The following IGF2BP3 variants were observed in gnomAD, a reference collection of about 807,000 sequenced individuals.
IGF2BP3 encodes insulin like growth factor 2 mRNA binding protein 3, also known as insulin-like growth factor 2 mRNA-binding protein 3.
In IGF2BP3, 9 loss-of-function variants were observed where a neutral mutation model predicts 73.8. That is an observed-to-expected ratio of 0.12 (90% confidence interval 0.07 to 0.21). The LOEUF (loss-of-function observed/expected upper bound fraction) is 0.21. Among genes scored for constraint, IGF2BP3 ranks in the 10% least tolerant of loss-of-function variants. The pLI is 1.00. For synonymous variants in IGF2BP3, 258 were observed against 256.7 expected (o/e 1.01, Z -0.05); for missense variants, 542 against 714.0 (o/e 0.76, Z 2.75).
chr7:23,392,433 C>CATATATATATATATAT (rs141882109), intron 3 of IGF2BP3, among the ~76,000 whole-genome samples: 1 of 141,932 alleles, frequency 7.0e-6, no homozygotes, highest in East Asian at 2.0e-4. Flanking sequence ...AGCTTATCAT[C>CATATATATATATATAT]ATATATATAT....
intron 5 of IGF2BP3, 89 bp from the exon 6 acceptor site, chr7:23,351,675 G>T: frequency 7.3e-7 from 1 of 1,371,032 alleles, no homozygotes; most frequent in Non-Finnish European, 1.0e-6. Flanking sequence ...CTTCTACTCA[G>T]CATTACTAGC....
chr7:23,403,838 C>T (rs1330005495), intron 3 of IGF2BP3, among the ~76,000 whole-genome samples: 1 of 151,938 alleles, frequency 6.6e-6, no homozygotes, highest in Admixed American at 6.6e-5. Context: ...TAGAGAGGTA[C>T]TTGGCCAGGC....
chr7:23,430,395 G>A (rs1339828282), intron 2 of IGF2BP3, among the ~76,000 whole-genome samples: 1 of 152,164 alleles, frequency 6.6e-6, no homozygotes, highest in Non-Finnish European at 1.5e-5. Context: ...CAAAAAAACT[G>A]GAACACAAGG....
chr7:23,413,061 T>C (rs1424610325), intron 3 of IGF2BP3, among the ~76,000 whole-genome samples: 6 of 151,268 alleles, frequency 4.0e-5, no homozygotes, highest in South Asian at 2.1e-4. Flanking sequence ...GGTTTCTCCA[T>C]GTTGGCCAGG....
intron 3 of IGF2BP3, among the ~76,000 whole-genome samples, chr7:23,398,281 A>C (rs1402842436): frequency 6.6e-6 from 1 of 152,138 alleles, no homozygotes; most frequent in Admixed American, 6.5e-5. Flanking sequence ...CATGGTGTAT[A>C]TGTGCCACAT....
chr7:23,467,657 T>A (rs1285845808), intron 2 of IGF2BP3: 1 of 152,242 alleles, frequency 6.6e-6, no homozygotes, highest in Non-Finnish European at 1.5e-5. Flanking sequence ...GAAAGGAGTC[T>A]CCACTGCTCC....
chr7:23,419,551 G>A (rs1030829658), intron 2 of IGF2BP3, among the ~76,000 whole-genome samples: 1 of 152,120 alleles, frequency 6.6e-6, no homozygotes, highest in Admixed American at 6.5e-5. Context: ...CGTATTTTAT[G>A]CATTTTAAAA....
chr7:23,401,757 T>A (rs544459349), intron 3 of IGF2BP3, among the ~76,000 whole-genome samples: 1 of 149,726 alleles, frequency 6.7e-6, no homozygotes, highest in Admixed American at 6.7e-5. Flanking sequence ...AGAACGAGAC[T>A]CGTCTCCAAA....
intron 10 of IGF2BP3, among the ~76,000 whole-genome samples, chr7:23,323,566 A>G (rs963435349): frequency 8.0e-5 from 12 of 149,128 alleles, no homozygotes; most frequent in African/African-American, 2.0e-4. Flanking sequence ...TGCACCAAGC[A>G]GACCTAATAG....
chr7:23,363,956 T>C (rs1785298929), intron 3 of IGF2BP3, among the ~76,000 whole-genome samples: 1 of 152,194 alleles, frequency 6.6e-6, no homozygotes, highest in Non-Finnish European at 1.5e-5. Context: ...AAAACAAGGG[T>C]GGCCGGGCAC....
intron 10 of IGF2BP3, among the ~76,000 whole-genome samples, chr7:23,340,854 T>C (rs1306537521): frequency 2.1e-5 from 3 of 145,818 alleles, no homozygotes; most frequent in Non-Finnish European, 3.0e-5. Flanking sequence ...TTTTTCTTTT[T>C]TTTTTTTTTT....
chr7:23,397,705 T>C (rs1786521207), intron 3 of IGF2BP3, among the ~76,000 whole-genome samples: 1 of 152,202 alleles, frequency 6.6e-6, no homozygotes, highest in Non-Finnish European at 1.5e-5. Context: ...CACTGAGTAT[T>C]TAGAGTCCCC....
chr7:23,395,311 A>G (rs1458722823), intron 3 of IGF2BP3, among the ~76,000 whole-genome samples: 1 of 152,170 alleles, frequency 6.6e-6, no homozygotes, highest in Admixed American at 6.5e-5. Flanking sequence ...AACACCCGCA[A>G]TATACTTTCC....
intron 3 of IGF2BP3, among the ~76,000 whole-genome samples, chr7:23,398,235 C>CA (rs1786541504): frequency 6.6e-6 from 1 of 152,160 alleles, no homozygotes; most frequent in Non-Finnish European, 1.5e-5. Flanking sequence ...CTACAAAGGA[C>CA]ATGAACTCAT....
At chr7:23,312,894 C>A in intron 13 of IGF2BP3, 46 bp from the exon 14 acceptor site, 1 of 1,202,492 alleles carries the variant, frequency 8.3e-7, no homozygotes, top group East Asian at 2.4e-5. Context: ...GTTTTAAAAC[C>A]TTACTTCCTA....
At chr7:23,430,326 G>A (rs1339468108) in intron 2 of IGF2BP3, among the ~76,000 whole-genome samples, 4 of 152,228 alleles carry the variant, frequency 2.6e-5, no homozygotes, top group South Asian at 2.1e-4. Flanking sequence ...CTCGTGATCC[G>A]CCCGCCTCGG....
intron 10 of IGF2BP3, among the ~76,000 whole-genome samples, chr7:23,330,355 A>G (rs940845214): frequency 2.7e-5 from 4 of 149,136 alleles, no homozygotes; most frequent in African/African-American, 9.8e-5. Flanking sequence ...TATTATATAT[A>G]TATTTCTCTA....
chr7:23,354,362 C>G (rs1340875804), intron 5 of IGF2BP3, among the ~76,000 whole-genome samples: 4 of 152,176 alleles, frequency 2.6e-5, no homozygotes, highest in Non-Finnish European at 5.9e-5. Context: ...AAACTTGAAC[C>G]CACTGAAGGC....
At chr7:23,448,843 G>A (rs1788127163) in intron 2 of IGF2BP3, among the ~76,000 whole-genome samples, 1 of 151,998 alleles carries the variant, frequency 6.6e-6, no homozygotes, top group Admixed American at 6.6e-5. Context: ...TGTTGGTCAA[G>A]CTGGTCTCGA....
Sources: gnomAD v4.1 joint callset for allele counts (sites outside exome capture counted in the v4.1 genomes callset) on GRCh38, gnomAD v4.1.1 for gene constraint, MANE v1.5 for transcripts, NCBI Gene and HGNC (gene_info 2026-07-23, HGNC 2026-07-21) for gene names.